ABCA12: variants seen among roughly 807,000 people sequenced by gnomAD.
ABCA12 encodes the protein glucosylceramide transporter ABCA12.
A neutral mutation model predicts 293.5 loss-of-function variants in ABCA12; 156 were observed. That is an observed-to-expected ratio of 0.53 (90% CI 0.47 to 0.61). The LOEUF is 0.61. Among genes scored for constraint, ABCA12 ranks in the 20% least tolerant of loss-of-function variants. The pLI, the probability that ABCA12 is intolerant of heterozygous loss-of-function variation, is 0.00. For synonymous variants in ABCA12, 1,063 were observed against 1,108.0 expected (o/e 0.96, Z 0.81); for missense variants, 2,797 against 3,090.2 (o/e 0.91, Z 2.25).
intron 1 of ABCA12, among the ~76,000 whole-genome samples, chr2:215,136,816 A>G (rs1703238247): frequency 6.6e-6 from 1 of 152,142 alleles, no homozygotes; most frequent in Admixed American, 6.5e-5. Flanking sequence ...TGCCACATCT[A>G]ACTAATCATG....
Position 214,976,046 on chromosome 2 carries a change from G to GA in ABCA12, c.5129-10dup. The GA allele has an allele frequency of 6.2e-7, 1 of 1,613,896 alleles. No homozygotes were observed. Among genetic ancestry groups the GA allele is most frequent in the Non-Finnish European group, 8.5e-7 (1 of 1,179,912 alleles). ...TCTTGTCAGGATTTTGTCTGATTAA[G>GA]AAAAAGAGATTGGATATGGTTCTGG... On this transcript the variant is annotated splice_polypyrimidine_tract_variant and intron_variant, in intron 33 of 52. Coordinates refer to ENST00000272895, the MANE Select transcript of ABCA12 (RefSeq NM_173076.3).
At chr2:215,133,399 A>G (rs1321595414) in intron 1 of ABCA12, among the ~76,000 whole-genome samples, 2 of 151,706 alleles carry the variant, frequency 1.3e-5, no homozygotes, top group East Asian at 1.9e-4. Context: ...AAGAATTCCA[A>G]TAATGTGTAG....
chr2:215,066,810 T>C (rs1050885242), intron 2 of ABCA12, among the ~76,000 whole-genome samples: 3 of 152,148 alleles, frequency 2.0e-5, no homozygotes, highest in African/African-American at 4.8e-5. Flanking sequence ...GTTATTTGTT[T>C]TGCCGTAATC....
intron 35 of ABCA12, 94 bp downstream of exon 35, chr2:214,974,684 C>A (rs561175245): frequency 5.8e-6 from 7 of 1,205,932 alleles, no homozygotes; most frequent in Non-Finnish European, 8.6e-6. Context: ...CAGCTTTCTT[C>A]CAGGCAAATA....
chr2:214,980,598 A>C lies in ABCA12; in HGVS notation c.4625T>G (p.Val1542Gly). 1 of 1,614,124 alleles carries C rather than the reference A, an allele frequency of 6.2e-7. No homozygotes were observed. The highest frequency in any genetic ancestry group is 8.5e-7 in the Non-Finnish European group (1 of 1,180,000). The change falls in exon 31 of 53, where the codon GTG (valine) becomes GGG (glycine). Residue 1542 changes from valine to glycine, a missense_variant. Physicochemically the swap from Val to Gly is moderately radical, Grantham distance 109. Transcript: ENST00000272895. ...CAGGAAGGCGATGCGGTCACTCAGC[A>C]CTTCAGCCTCGTCCAAGTGGTGCGT... ...LSTHHLDEAE[V>G]LSDRIAFLEQ...
At chr2:215,085,088 C>CAAA (rs34532043) in intron 2 of ABCA12, among the ~76,000 whole-genome samples, 25 of 95,776 alleles carry the variant, frequency 2.6e-4, no homozygotes, top group East Asian at 3.5e-4. Context: ...ACCCTGTCTC[C>CAAA]AAAAAAAAAA....
intron 28 of ABCA12, among the ~76,000 whole-genome samples, chr2:214,985,012 C>G (rs1055735128): frequency 1.3e-5 from 2 of 152,190 alleles, no homozygotes; most frequent in Non-Finnish European, 2.9e-5. Context: ...AAGGAAAGGT[C>G]CTGTTTTCTA....
chr2:214,980,747 A>G, intron 30 of ABCA12, 104 bp from the exon 31 acceptor site: 4 of 1,434,998 alleles, frequency 2.8e-6, no homozygotes, highest in East Asian at 4.6e-5. Context: ...GAGAAGAGTC[A>G]CATTTCATGA....
chr2:215,049,772 C>T lies in ABCA12; in HGVS notation c.547G>A (p.Glu183Lys), dbSNP rs1203600542. ...TATCCTGAATAGCTGTCACATAGTT[C>T]TCTTCGTATATCTTCTGAAGTTGAA... is the stretch of plus-strand genomic sequence containing the variant. ...QNSTSEDIRR[E>K]LCDSYSGYIV... Residue 183 changes from glutamate (E) to lysine (K), a missense_variant, in exon 6 of 53, where the codon GAA becomes AAA. Transcript: ENST00000272895. 6.2e-7 allele frequency: 1 copy of T among 1,613,504 alleles called. No homozygotes were observed. The highest frequency in any genetic ancestry group is 8.5e-7 in the Non-Finnish European group (1 of 1,179,720).
intron 1 of ABCA12, among the ~76,000 whole-genome samples, chr2:215,130,956 A>G (rs1209893921): frequency 6.6e-6 from 1 of 151,674 alleles, no homozygotes; most frequent in Admixed American, 6.6e-5. Flanking sequence ...TAATCACGAA[A>G]GGATGTTGGA....
intron 52 of ABCA12, among the ~76,000 whole-genome samples, chr2:214,933,024 A>ACTAT (rs1040846299): frequency 1.7e-4 from 26 of 152,122 alleles, no homozygotes; most frequent in African/African-American, 6.3e-4. Context: ...GCCATAGTTG[A>ACTAT]CTATCTGTAG....
At chr2:215,003,480 G>T (rs1057477730) in intron 20 of ABCA12, among the ~76,000 whole-genome samples, 2 of 151,800 alleles carry the variant, frequency 1.3e-5, no homozygotes, top group Non-Finnish European at 1.5e-5. Flanking sequence ...TTCTGGGTTA[G>T]TCAAGTGATA....
At chr2:215,102,251 T>C (rs1367494382) in intron 2 of ABCA12, among the ~76,000 whole-genome samples, 1 of 152,188 alleles carries the variant, frequency 6.6e-6, no homozygotes, top group Non-Finnish European at 1.5e-5. Flanking sequence ...TATAAACATT[T>C]AAAAATAAAA....
intron 1 of ABCA12, among the ~76,000 whole-genome samples, chr2:215,129,227 C>T (rs181846675): frequency 2.4e-4 from 36 of 152,250 alleles, no homozygotes; most frequent in Non-Finnish European, 4.9e-4. Context: ...AGGGGAGTCT[C>T]CCTTTCCACT....
Position 215,090,686 on chromosome 2 carries a change from C to T in ABCA12, c.163+20911G>A, listed in dbSNP as rs550504112. On this transcript the variant is annotated intron_variant, in intron 2 of 52. Coordinates refer to ENST00000272895, the MANE Select transcript of ABCA12 (RefSeq NM_173076.3). The stretch of plus-strand genomic sequence containing the variant: ...CTCCCACTTTTCAGAGGTGTCTGAT[C>T]ACCACGGGGATGCCTGTCTTGATCC... 7.9e-5 allele frequency among the ~76,000 whole-genome samples: 12 copies of T among 152,232 alleles called. No homozygotes were observed. The South Asian group carries it at 2.5e-3, about 32-fold the overall frequency.
intron 6 of ABCA12, 57 bp downstream of exon 6, chr2:215,049,569 T>A (rs369730863): frequency 1.2e-5 from 19 of 1,545,184 alleles, no homozygotes; most frequent in Non-Finnish European, 1.7e-5. Context: ...ACACGGGCTA[T>A]AGATTTACCC....
Position 214,944,592 on chromosome 2 carries a change from T to C in ABCA12, c.7343+409A>G, listed in dbSNP as rs185572146. 1.3e-5 allele frequency among the ~76,000 whole-genome samples: 2 copies of C among 151,898 alleles called. 1 individual carries two copies. The highest frequency in any genetic ancestry group is 1.3e-4 in the Admixed American group (2 of 15,220). ...AAGACTGAGCATTTAGATGAGGCCA[T>C]AGAATGGAGAGCCTTGCATGTTGAG... is the stretch of plus-strand genomic sequence containing the variant. On this transcript the variant is annotated intron_variant, in intron 49 of 52. Coordinates refer to ENST00000272895, the MANE Select transcript of ABCA12 (RefSeq NM_173076.3).
At chr2:215,113,724 T>C (rs1232381802) in intron 1 of ABCA12, among the ~76,000 whole-genome samples, 2 of 152,106 alleles carry the variant, frequency 1.3e-5, no homozygotes, top group African/African-American at 4.8e-5. Context: ...TATTTTTATT[T>C]TCTCTAGCTT....
Position 214,947,496 on chromosome 2 carries a change from T to TA in ABCA12, c.7164dup (p.Met2389TyrfsTer27). 6.2e-7 allele frequency: 1 copy of TA among 1,613,992 alleles called. No individual in the cohort carries two copies. The highest frequency in any genetic ancestry group is 8.5e-7 in the Non-Finnish European group (1 of 1,179,900). ...TTTCTTTTTGTGCCATAACTGCACA[T>TA]AGAGGTAGCTCTGTCCTTGAAGGGC... On this transcript the variant is annotated frameshift_variant, in exon 48 of 53. Transcript: ENST00000272895. LOFTEE classifies it high-confidence loss of function.
Sources: allele counts gnomAD v4.1 joint callset (sites outside exome capture counted in the v4.1 genomes callset), GRCh38; gene constraint gnomAD v4.1.1; transcripts MANE v1.5; gene names NCBI Gene and HGNC (gene_info 2026-07-23, HGNC 2026-07-21).